Variants in GSAP observed in about 807,000 individuals in gnomAD.
GSAP encodes gamma-secretase-activating protein.
Under a neutral mutation model 131.7 loss-of-function variants are expected in GSAP, and 118 were observed. The ratio of observed to expected loss-of-function variants is 0.90; its 90% CI spans 0.77 to 1.04. The LOEUF is 1.04. Ranked by LOEUF, GSAP falls within the 50% of genes least tolerant of loss-of-function variation. The pLI, the probability that GSAP is intolerant of heterozygous loss-of-function variation, is 0.00. For synonymous variants in GSAP, 381 were observed against 363.4 expected, an observed-to-expected ratio of 1.05 and a Z score of -0.55; for missense variants, 1,019 against 1,013.2, an observed-to-expected ratio of 1.01 and a Z score of -0.08.
intron 19 of GSAP, among the ~76,000 whole-genome samples, chr7:77,345,230 T>C (rs1014821148): frequency 6.6e-6 from 1 of 152,112 alleles, no homozygotes; most frequent in Non-Finnish European, 1.5e-5. Flanking sequence ...ATACGACAAA[T>C]GCTCCTTCTA....
intron 19 of GSAP, among the ~76,000 whole-genome samples, chr7:77,341,875 AC>A (rs1214776748): frequency 1.3e-5 from 2 of 152,110 alleles, no homozygotes; most frequent in African/African-American, 4.8e-5. Flanking sequence ...CGTGAGAGAA[AC>A]CCCAGCCACA....
intron 19 of GSAP, among the ~76,000 whole-genome samples, chr7:77,346,270 C>CAAA (rs1223497863): frequency 4.4e-4 from 18 of 40,820 alleles, no homozygotes; most frequent in East Asian, 8.0e-4. Context: ...GACTCCATCT[C>CAAA]AAAAAAAAAA....
At chr7:77,332,087 A>G (rs1196991833) in intron 19 of GSAP, 2 of 152,188 alleles carry the variant, frequency 1.3e-5, no homozygotes, top group Non-Finnish European at 2.9e-5. Context: ...CTGCTTGGCC[A>G]TAAGAGTCCC....
At chr7:77,323,950 T>G (rs778206155) in intron 23 of GSAP, among the ~76,000 whole-genome samples, 1 of 152,204 alleles carries the variant, frequency 6.6e-6, no homozygotes, top group Non-Finnish European at 1.5e-5. Context: ...GAATTACTTA[T>G]GATTCACCCA....
At chr7:77,364,354 T>C (rs1174468921) in intron 12 of GSAP, among the ~76,000 whole-genome samples, 1 of 152,116 alleles carries the variant, frequency 6.6e-6, no homozygotes, top group Non-Finnish European at 1.5e-5. Context: ...CTCCATCCTT[T>C]AGAGAATGAA....
chr7:77,312,226 G>A (rs1794460133), intron 28 of GSAP, 24 bp from the exon 29 acceptor site: 1 of 1,043,740 alleles, frequency 9.6e-7, no homozygotes, highest in Non-Finnish European at 1.4e-6. Flanking sequence ...TGAAAAAAAT[G>A]TAGCGAATAC....
intron 8 of GSAP, chr7:77,379,872 G>C (rs886383993): frequency 2.0e-6 from 2 of 984,710 alleles, no homozygotes; most frequent in African/African-American, 1.7e-5. Context: ...TTCCAGCCAG[G>C]CTTCTTGATT....
chr7:77,384,304 C>T (rs143895448), intron 6 of GSAP, among the ~76,000 whole-genome samples: 21 of 152,290 alleles, frequency 1.4e-4, no homozygotes, highest in African/African-American at 5.1e-4. Context: ...TAAACCTCTG[C>T]CTGGTCTTCC....
intron 10 of GSAP, among the ~76,000 whole-genome samples, chr7:77,376,616 A>T (rs993466712): frequency 6.6e-6 from 1 of 152,070 alleles, no homozygotes; most frequent in Non-Finnish European, 1.5e-5. Flanking sequence ...TCTACAAAAA[A>T]TACAAAAAAA....
intron 19 of GSAP, 57 bp downstream of exon 19, chr7:77,349,294 G>A (rs1165627132): frequency 4.7e-5 from 63 of 1,332,436 alleles, no homozygotes; most frequent in Admixed American, 2.9e-4. Context: ...ATAATACTCA[G>A]GCAGCAGAGC....
rs1792261260 is a variant in GSAP at position 77,348,601 on chromosome 7, C to A, written c.1545+750G>T. On this transcript the variant is annotated intron_variant, in intron 19 of 30. Coordinates refer to ENST00000257626, the MANE Select transcript of GSAP (RefSeq NM_017439.4). The stretch of plus-strand genomic sequence containing the variant: ...CCAGAAGTTGAGATTTCCCAGTCTA[C>A]CTCAAGCTATGATTAACAGGAGGCA... Among the ~76,000 whole-genome samples, 4 of 152,214 alleles carry A rather than the reference C, an allele frequency of 2.6e-5. No homozygotes were observed. The South Asian group carries it at 8.3e-4, about 32-fold the overall frequency.
At chr7:77,378,703 T>C (rs1797345615) in intron 8 of GSAP, among the ~76,000 whole-genome samples, 1 of 152,190 alleles carries the variant, frequency 6.6e-6, no homozygotes, top group Non-Finnish European at 1.5e-5. Flanking sequence ...GGCTGCATAG[T>C]TAGTTCTGCA....
intron 19 of GSAP, among the ~76,000 whole-genome samples, chr7:77,337,880 G>A (rs1448809181): frequency 6.6e-6 from 1 of 152,102 alleles, no homozygotes; most frequent in Non-Finnish European, 1.5e-5. Flanking sequence ...GCCAGGTGTG[G>A]TGGCTCATGT....
At chr7:77,379,351 T>C (rs1797451692) in intron 8 of GSAP, among the ~76,000 whole-genome samples, 1 of 150,994 alleles carries the variant, frequency 6.6e-6, no homozygotes, top group Admixed American at 6.6e-5. Flanking sequence ...AAAGAATATG[T>C]GGAATTGCAT....
chr7:77,349,860 G>A (rs1021239504), intron 18 of GSAP, among the ~76,000 whole-genome samples: 5 of 152,130 alleles, frequency 3.3e-5, no homozygotes, highest in Admixed American at 6.5e-5. Context: ...ATTCTTGCAT[G>A]ACTTGACTGG....
chr7:77,410,577 A>G (rs901451185), intron 1 of GSAP, among the ~76,000 whole-genome samples: 1 of 152,244 alleles, frequency 6.6e-6, no homozygotes. Flanking sequence ...GTAAACCTAT[A>G]AAAGAAACGA....
intron 14 of GSAP, 140 bp from the exon 15 acceptor site, chr7:77,355,787 GTTTTTT>G (rs11353263): frequency 2.7e-5 from 8 of 294,582 alleles, no homozygotes; most frequent in East Asian, 2.6e-4. Flanking sequence ...ATGACAGCCC[GTTTTTT>G]TTTTTTTTTT....
intron 10 of GSAP, among the ~76,000 whole-genome samples, chr7:77,375,721 G>A (rs1336252443): frequency 1.3e-5 from 2 of 151,984 alleles, no homozygotes; most frequent in Non-Finnish European, 2.9e-5. Context: ...ACAGGTGCCT[G>A]TAATCCCAGC....
At chr7:77,328,486 G>A in intron 22 of GSAP, 120 bp downstream of exon 22, 7 of 1,457,736 alleles carry the variant, frequency 4.8e-6, no homozygotes, top group Non-Finnish European at 6.3e-6. Flanking sequence ...ATTAAAAGGT[G>A]CTGCCTGCAC....
Sources: gnomAD v4.1 joint callset for allele counts (sites outside exome capture counted in the v4.1 genomes callset) on GRCh38, gnomAD v4.1.1 for gene constraint, MANE v1.5 for transcripts, NCBI Gene and HGNC (gene_info 2026-07-23, HGNC 2026-07-21) for gene names.